The following CSMD3 variants were observed in gnomAD, a reference collection of about 807,000 sequenced individuals.
CSMD3 encodes CUB and sushi domain-containing protein 3.
Under a neutral mutation model 435.2 loss-of-function variants are expected in CSMD3, and 177 were observed. The ratio of observed to expected loss-of-function variants is 0.41; its 90% CI spans 0.36 to 0.46. The LOEUF is 0.46. CSMD3 is among the 20% of genes least tolerant of loss of function. The pLI, the probability that CSMD3 is intolerant of heterozygous loss-of-function variation, is 0.34. For missense variants in CSMD3, 4,265 were observed against 4,504.6 expected, an observed-to-expected ratio of 0.95 and a Z score of 1.52; for synonymous variants, 1,656 against 1,520.5, an observed-to-expected ratio of 1.09 and a Z score of -2.07.
At chr8:112,439,901 A>C (rs1311349907) in intron 32 of CSMD3, among the ~76,000 whole-genome samples, 1 of 152,004 alleles carries the variant, frequency 6.6e-6, no homozygotes, top group Non-Finnish European at 1.5e-5. Context: ...ATCAGATTAC[A>C]ATTCAAGATG....
At chr8:112,816,358 G>T (rs2079375127) in intron 12 of CSMD3, among the ~76,000 whole-genome samples, 2 of 152,080 alleles carry the variant, frequency 1.3e-5, no homozygotes, top group African/African-American at 4.8e-5. Flanking sequence ...ACGGCAGTAA[G>T]AAAACATTTA....
chr8:112,291,782 T>C (rs1049241442), intron 55 of CSMD3, 87 bp from the exon 56 acceptor site: 1 of 854,202 alleles, frequency 1.2e-6, no homozygotes, highest in East Asian at 2.7e-5. Context: ...ACATACTTAG[T>C]TTCAAAAGTA....
At chr8:112,941,992 T>G (rs1480589508) in intron 9 of CSMD3, among the ~76,000 whole-genome samples, 1 of 151,720 alleles carries the variant, frequency 6.6e-6, no homozygotes, top group African/African-American at 2.4e-5. Context: ...GGGTTCACTC[T>G]TTGTGTTCTA....
chr8:112,876,474 C>T (rs112174168), intron 10 of CSMD3, among the ~76,000 whole-genome samples: 5,169 of 152,228 alleles, frequency 0.034, 146 homozygotes, highest in Middle Eastern at 0.051. Context: ...TATCAAAAAG[C>T]TTATCCACCA....
At chr8:112,458,115 T>C (rs1399587950) in intron 32 of CSMD3, among the ~76,000 whole-genome samples, 1 of 151,876 alleles carries the variant, frequency 6.6e-6, no homozygotes, top group Non-Finnish European at 1.5e-5. Context: ...AATACAACCT[T>C]TGATCACAAA....
At chr8:112,929,916 C>T (rs1315328058) in intron 9 of CSMD3, among the ~76,000 whole-genome samples, 3 of 151,854 alleles carry the variant, frequency 2.0e-5, no homozygotes, top group Non-Finnish European at 4.4e-5. Flanking sequence ...TATAATAAAG[C>T]TTTCAAATAG....
intron 12 of CSMD3, among the ~76,000 whole-genome samples, chr8:112,816,954 T>C (rs2079392040): frequency 6.6e-6 from 1 of 152,030 alleles, no homozygotes; most frequent in Admixed American, 6.6e-5. Flanking sequence ...TTTGACATTG[T>C]ACTAACTTAT....
chr8:113,162,162 GGA>G (rs780559176), intron 4 of CSMD3, among the ~76,000 whole-genome samples: 1 of 151,680 alleles, frequency 6.6e-6, no homozygotes, highest in Non-Finnish European at 1.5e-5. Flanking sequence ...GTGGTTGGTG[GGA>G]TTTTATTTAA....
intron 3 of CSMD3, among the ~76,000 whole-genome samples, chr8:113,252,558 T>C (rs1374915605): frequency 1.3e-5 from 2 of 152,168 alleles, no homozygotes; most frequent in Admixed American, 6.5e-5. Context: ...TCAGACTCCA[T>C]AGAGCAAAGT....
At chr8:112,823,191 A>T (rs1202674429) in intron 12 of CSMD3, among the ~76,000 whole-genome samples, 2 of 152,214 alleles carry the variant, frequency 1.3e-5, no homozygotes, top group Non-Finnish European at 2.9e-5. Flanking sequence ...ACTCCCTGGA[A>T]TAGTTTCAGA....
chr8:112,722,013 C>G (rs1009190463), intron 13 of CSMD3, among the ~76,000 whole-genome samples: 5 of 151,572 alleles, frequency 3.3e-5, no homozygotes, highest in Admixed American at 3.3e-4. Context: ...AAAATGTATA[C>G]AATTTGGGGA....
chr8:112,749,416 G>A (rs1439423647), intron 13 of CSMD3, among the ~76,000 whole-genome samples: 4 of 151,920 alleles, frequency 2.6e-5, no homozygotes, highest in South Asian at 2.1e-4. Context: ...ACGTTTTCCC[G>A]TTCCTATGTC....
intron 27 of CSMD3, among the ~76,000 whole-genome samples, chr8:112,535,029 C>T (rs868629101): frequency 2.0e-4 from 31 of 152,232 alleles, no homozygotes; most frequent in Middle Eastern, 6.8e-3. Flanking sequence ...TGGGACATAT[C>T]TCAAAATAAT....
chr8:112,642,694 G>C (rs578152837), intron 20 of CSMD3, among the ~76,000 whole-genome samples: 1 of 150,952 alleles, frequency 6.6e-6, no homozygotes, highest in African/African-American at 2.4e-5. Context: ...AGCATAACAG[G>C]GATACATATA....
intron 6 of CSMD3, among the ~76,000 whole-genome samples, chr8:112,981,957 C>A (rs531991239): frequency 6.6e-6 from 1 of 151,846 alleles, no homozygotes; most frequent in South Asian, 2.1e-4. Context: ...AATGGATAGA[C>A]ATCTCATTTC....
chr8:112,408,242 C>T (rs1443306870), intron 34 of CSMD3, 76 bp downstream of exon 34: 4 of 955,616 alleles, frequency 4.2e-6, no homozygotes, highest in Non-Finnish European at 6.7e-6. Context: ...AGGATTTCAT[C>T]ATTCAAAAAC....
chr8:113,315,940 A>C (rs1057160607), intron 1 of CSMD3, among the ~76,000 whole-genome samples: 2 of 151,918 alleles, frequency 1.3e-5, no homozygotes, highest in Admixed American at 6.6e-5. Flanking sequence ...GCTGCTCTCG[A>C]ACTCCTGACC....
intron 38 of CSMD3, among the ~76,000 whole-genome samples, chr8:112,360,327 G>A (rs1827065218): frequency 6.6e-6 from 1 of 151,864 alleles, no homozygotes; most frequent in Non-Finnish European, 1.5e-5. Flanking sequence ...TCTCCAAGAG[G>A]AGAATAAATA....
chr8:112,398,431 C>T (rs1030103555), intron 35 of CSMD3, among the ~76,000 whole-genome samples: 1 of 152,218 alleles, frequency 6.6e-6, no homozygotes, highest in East Asian at 1.9e-4. Context: ...GTGGCCCCAC[C>T]TCTGTAGCTC....
Sources: allele counts gnomAD v4.1 joint callset (sites outside exome capture counted in the v4.1 genomes callset), GRCh38; gene constraint gnomAD v4.1.1; transcripts MANE v1.5; gene names NCBI Gene and HGNC (gene_info 2026-07-23, HGNC 2026-07-21).